The following SLC16A7 variants were observed in gnomAD, a reference collection of about 807,000 sequenced individuals.
SLC16A7 encodes the protein solute carrier family 16 member 7.
In SLC16A7, 33 loss-of-function variants were observed where a neutral mutation model predicts 34.9. That is an observed-to-expected ratio of 0.94 (90% CI 0.72 to 1.26). SLC16A7 has a LOEUF of 1.26. Ranked by LOEUF, SLC16A7 falls within the 50% of genes most tolerant of loss-of-function variation. The pLI is 0.00. For synonymous variants in SLC16A7, 201 were observed against 206.6 expected (o/e 0.97, Z 0.23); for missense variants, 573 against 578.1 (o/e 0.99, Z 0.09).
At chr12:59,711,284 C>A (rs1286198723) in intron 3 of SLC16A7, among the ~76,000 whole-genome samples, 2 of 152,136 alleles carry the variant, frequency 1.3e-5, no homozygotes, top group African/African-American at 2.4e-5. Context: ...TAAGCACTTA[C>A]TACTTTAGTC....
chr12:59,602,352 T>A (rs1403631071), intron 1 of SLC16A7, among the ~76,000 whole-genome samples: 3 of 152,072 alleles, frequency 2.0e-5, no homozygotes, highest in Non-Finnish European at 4.4e-5. Context: ...CTTCTTGAAC[T>A]CCTGTTTTGG....
chr12:59,635,227 T>C (rs1432263421), intron 1 of SLC16A7, among the ~76,000 whole-genome samples: 1 of 152,084 alleles, frequency 6.6e-6, no homozygotes, highest in East Asian at 1.9e-4. Context: ...CTTGGAGTTA[T>C]CAGCTTTCTA....
chr12:59,722,806 T>G (rs894871710), intron 3 of SLC16A7, among the ~76,000 whole-genome samples: 1 of 151,900 alleles, frequency 6.6e-6, no homozygotes, highest in Non-Finnish European at 1.5e-5. Context: ...ATAACACTTA[T>G]CAGTATTATT....
chr12:59,641,429 G>A (rs1398867893), intron 1 of SLC16A7, among the ~76,000 whole-genome samples: 1 of 151,930 alleles, frequency 6.6e-6, no homozygotes, highest in Non-Finnish European at 1.5e-5. Flanking sequence ...TGCTTTTGAT[G>A]GGGTTACCAT....
intron 2 of SLC16A7, among the ~76,000 whole-genome samples, chr12:59,699,128 T>C (rs1389899809): frequency 1.3e-5 from 2 of 151,620 alleles, no homozygotes; most frequent in Non-Finnish European, 1.5e-5. Context: ...AAATTACTAA[T>C]TAGTATTTAT....
chr12:59,773,142 T>G (rs1252986114), intron 4 of SLC16A7, among the ~76,000 whole-genome samples: 2 of 152,022 alleles, frequency 1.3e-5, no homozygotes, highest in Non-Finnish European at 2.9e-5. Context: ...ACATAATACC[T>G]GGATTTTAAT....
chr12:59,742,802 T>C (rs1164066490), intron 3 of SLC16A7, among the ~76,000 whole-genome samples: 1 of 152,206 alleles, frequency 6.6e-6, no homozygotes, highest in African/African-American at 2.4e-5. Context: ...GTCAATATAT[T>C]TTGAAGATTC....
At chr12:59,606,389 C>G (rs1878939686) in intron 1 of SLC16A7, among the ~76,000 whole-genome samples, 1 of 152,046 alleles carries the variant, frequency 6.6e-6, no homozygotes, top group African/African-American at 2.4e-5. Flanking sequence ...TAAAAACTAC[C>G]ACAAAGAGCA....
chr12:59,765,638 G>T, intron 3 of SLC16A7, among the ~76,000 whole-genome samples: 1 of 152,164 alleles, frequency 6.6e-6, no homozygotes, highest in South Asian at 2.1e-4. Flanking sequence ...AGATCAGATA[G>T]TTGTAGATAT....
At chr12:59,730,391 C>A (rs1876813444) in intron 3 of SLC16A7, among the ~76,000 whole-genome samples, 1 of 150,608 alleles carries the variant, frequency 6.6e-6, no homozygotes, top group Non-Finnish European at 1.5e-5. Flanking sequence ...AAATGATGAC[C>A]TACTGGAATT....
intron 5 of SLC16A7, among the ~76,000 whole-genome samples, chr12:59,776,825 A>G (rs1882808473): frequency 6.6e-6 from 1 of 152,180 alleles, no homozygotes; most frequent in Non-Finnish European, 1.5e-5. Context: ...CAATATAAAT[A>G]TACCATGACA....
chr12:59,757,835 C>G (rs1880566590), intron 3 of SLC16A7, among the ~76,000 whole-genome samples: 1 of 152,066 alleles, frequency 6.6e-6, no homozygotes, highest in African/African-American at 2.4e-5. Context: ...TATACTTTCT[C>G]TTCCTTATGA....
chr12:59,687,943 G>C (rs1871284790), intron 2 of SLC16A7, among the ~76,000 whole-genome samples: 1 of 152,100 alleles, frequency 6.6e-6, no homozygotes. Flanking sequence ...ACAAGTATGA[G>C]TAGGGGACAA....
chr12:59,739,917 T>G (rs1878098117), intron 3 of SLC16A7, among the ~76,000 whole-genome samples: 1 of 152,192 alleles, frequency 6.6e-6, no homozygotes, highest in Admixed American at 6.5e-5. Context: ...TATATTTGTT[T>G]GAGTTCATTG....
In SLC16A7 at chr12:59,767,228, C is replaced by T. The variant is rs141318958; in HGVS notation, c.218-3991C>T. Among the ~76,000 whole-genome samples the T allele has an allele frequency of 8.6e-4, 131 of 151,704 alleles. No individual in the cohort carries two copies. The East Asian group carries it at 0.023, about 27-fold the overall frequency. On this transcript the variant is annotated intron_variant, in intron 3 of 5. Transcript: ENST00000547379. ...CATGAGGTTTAAGGAAAGAAGCCAT[C>T]TTGCTAACATAAAAGTGAAAGGTGA...
chr12:59,689,067 G>T (rs1871366262), intron 2 of SLC16A7, among the ~76,000 whole-genome samples: 1 of 151,564 alleles, frequency 6.6e-6, no homozygotes, highest in South Asian at 2.1e-4. Context: ...TTGGAATTAT[G>T]CTATCATACA....
chr12:59,653,242 AT>A (rs1868379002), intron 1 of SLC16A7, among the ~76,000 whole-genome samples: 1 of 151,758 alleles, frequency 6.6e-6, no homozygotes, highest in African/African-American at 2.4e-5. Context: ...GTTAAAAGAA[AT>A]TTTTAGTTGA....
chr12:59,709,275 C>T (rs566703559), intron 3 of SLC16A7, among the ~76,000 whole-genome samples: 2 of 151,534 alleles, frequency 1.3e-5, no homozygotes, highest in Non-Finnish European at 2.9e-5. Flanking sequence ...GGCTTTGTCT[C>T]CATGGTAACT....
chr12:59,753,176 G>T (rs971986301), intron 3 of SLC16A7, among the ~76,000 whole-genome samples: 2 of 152,158 alleles, frequency 1.3e-5, no homozygotes, highest in Non-Finnish European at 1.5e-5. Flanking sequence ...GTCCATCGAG[G>T]CTAGGAAGAA....
Sources: allele counts gnomAD v4.1 joint callset (sites outside exome capture counted in the v4.1 genomes callset), GRCh38; gene constraint gnomAD v4.1.1; transcripts MANE v1.5; gene names NCBI Gene and HGNC (gene_info 2026-07-23, HGNC 2026-07-21).